Variants in CCDC158 observed in about 807,000 individuals in gnomAD.
CCDC158 encodes the protein coiled-coil domain-containing protein 158.
A neutral mutation model predicts 138.6 loss-of-function variants in CCDC158; 116 were observed. The observed-to-expected ratio is 0.84, with a 90% CI of 0.72 to 0.98. The LOEUF (loss-of-function observed/expected upper bound fraction) is 0.98. Ranked by LOEUF, CCDC158 falls within the 50% of genes least tolerant of loss-of-function variation. The pLI is 0.00. For missense variants in CCDC158, 1,265 were observed against 1,306.1 expected (o/e 0.97, Z 0.48); for synonymous variants, 436 against 442.4 (o/e 0.99, Z 0.18).
chr4:76,344,555 A>G (rs1722363409), intron 18 of CCDC158: 1 of 1,039,286 alleles, frequency 9.6e-7, no homozygotes, highest in South Asian at 1.3e-5. Context: ...AATAGCTGAC[A>G]TCTGTATCTC....
intron 14 of CCDC158, among the ~76,000 whole-genome samples, chr4:76,355,875 T>C (rs1468455253): frequency 6.6e-6 from 1 of 151,166 alleles, no homozygotes; most frequent in African/African-American, 2.4e-5. Flanking sequence ...ATTGTATTAT[T>C]ACTAAAATGA....
chr4:76,335,022 GATA>G (rs1721347938), intron 18 of CCDC158, among the ~76,000 whole-genome samples: 1 of 152,168 alleles, frequency 6.6e-6, no homozygotes. Flanking sequence ...TCCAGCTGAA[GATA>G]TGAGAGTTCC....
In CCDC158 at chr4:76,352,876, T is replaced by TA. The variant is rs896464275; in HGVS notation, c.2445+246dup. 6 of 360,884 alleles carry TA rather than the reference T, an allele frequency of 1.7e-5. No individual in the cohort carries two copies. In the Admixed American group the frequency reaches 1.9e-4, roughly 11 times the overall value. 22.4% of individuals were successfully genotyped at this position (360,884 alleles called of 1,614,324 possible). On this transcript the variant is annotated intron_variant, in intron 16 of 24. Transcript: ENST00000682701. ...CAGGAACATCTTACATCTTTGATCT[T>TA]ACTGCTCCTGTGACTATGTTAGCCT... is the stretch of plus-strand genomic sequence containing the variant.
At chr4:76,344,287 C>A (rs2110144510) in intron 18 of CCDC158, among the ~76,000 whole-genome samples, 1 of 152,258 alleles carries the variant, frequency 6.6e-6, no homozygotes, top group East Asian at 1.9e-4. Flanking sequence ...CCTAGGAATA[C>A]AACTAACAAG....
chr4:76,349,249 T>G (rs1344290677), intron 18 of CCDC158, among the ~76,000 whole-genome samples: 1 of 152,248 alleles, frequency 6.6e-6, no homozygotes, highest in African/African-American at 2.4e-5. Context: ...AAAGAATGAA[T>G]ATTACTTTTA....
chr4:76,396,865 G>A (rs1181615149), intron 3 of CCDC158, among the ~76,000 whole-genome samples: 1 of 152,064 alleles, frequency 6.6e-6, no homozygotes, highest in Admixed American at 6.6e-5. Context: ...ATAATTTTGT[G>A]CACACTTTAT....
chr4:76,417,755 C>T (rs4859443), intron 1 of CCDC158, among the ~76,000 whole-genome samples: 129,935 of 152,076 alleles, frequency 0.85, 55,844 homozygotes, highest in South Asian at 0.97. Flanking sequence ...GGAAGGCCTT[C>T]CTAAGGAGGT....
intron 24 of CCDC158, among the ~76,000 whole-genome samples, chr4:76,314,028 T>C (rs1719140158): frequency 6.6e-6 from 1 of 152,218 alleles, no homozygotes. Flanking sequence ...AATACTTTTG[T>C]ATAAACACTT....
intron 10 of CCDC158, among the ~76,000 whole-genome samples, chr4:76,371,148 A>T (rs1251709203): frequency 6.6e-6 from 1 of 152,230 alleles, no homozygotes; most frequent in African/African-American, 2.4e-5. Flanking sequence ...ACTTCAATTT[A>T]ATGGAATATG....
At chr4:76,337,499 A>C (rs1295135488) in intron 18 of CCDC158, among the ~76,000 whole-genome samples, 3 of 152,180 alleles carry the variant, frequency 2.0e-5, no homozygotes, top group African/African-American at 7.2e-5. Context: ...CGGGAGGCCA[A>C]GGCGGGTGGA....
At chr4:76,405,680 A>C (rs961749083) in intron 2 of CCDC158, among the ~76,000 whole-genome samples, 1 of 152,176 alleles carries the variant, frequency 6.6e-6, no homozygotes, top group Non-Finnish European at 1.5e-5. Flanking sequence ...CGGAAGGAAG[A>C]GGGAGAAAAG....
chr4:76,407,514 C>A (rs1226922947), intron 2 of CCDC158, among the ~76,000 whole-genome samples: 2 of 152,086 alleles, frequency 1.3e-5, no homozygotes, highest in Non-Finnish European at 1.5e-5. Flanking sequence ...AAGAAGGATG[C>A]CTTCTCATTT....
At chr4:76,382,097 A>T (rs996114174) in intron 8 of CCDC158, among the ~76,000 whole-genome samples, 1 of 152,246 alleles carries the variant, frequency 6.6e-6, no homozygotes, top group African/African-American at 2.4e-5. Context: ...TCATGGGGAC[A>T]GATTTCCCCC....
At chr4:76,375,208 CG>C (rs1725602754) in intron 9 of CCDC158, 1 of 243,086 alleles carries the variant, frequency 4.1e-6, no homozygotes, top group Non-Finnish European at 7.8e-6. Context: ...TTTATTTTTA[CG>C]TAGTAGCACT....
chr4:76,367,209 G>A, intron 12 of CCDC158, 85 bp downstream of exon 12: 1 of 1,441,228 alleles, frequency 6.9e-7, no homozygotes, highest in Non-Finnish European at 9.4e-7. Context: ...AGTGTCCACA[G>A]ATACCAAGAA....
intron 4 of CCDC158, 127 bp from the exon 5 acceptor site, chr4:76,384,792 A>G (rs2110314243): frequency 3.1e-6 from 2 of 649,318 alleles, no homozygotes; most frequent in Non-Finnish European, 5.4e-6. Context: ...TCACTGCTGC[A>G]GTTCAAAGTC....
At position 76,352,862 on chromosome 4, in the gene CCDC158, T is replaced by C. The variant is rs1158943672; in HGVS notation, c.2445+261A>G. The C allele has an allele frequency of 9.3e-6, 3 of 323,970 alleles. No individual in the cohort carries two copies. In the East Asian group the frequency reaches 1.7e-4, roughly 18 times the overall value. 20.1% of individuals were successfully genotyped at this position (323,970 alleles called of 1,614,324 possible). A position where few individuals can be genotyped will look rare whatever the true frequency, so the allele number is the denominator to read the frequency against. On this transcript the variant is annotated intron_variant, in intron 16 of 24. Transcript: ENST00000682701. ...GTCACTATGGATATCAGGAACATCTTACATCTTTGATCTTACTGCTCCTGT... is the reference window on the plus strand; with the variant it reads ...GTCACTATGGATATCAGGAACATCTCACATCTTTGATCTTACTGCTCCTGT...
intron 18 of CCDC158, among the ~76,000 whole-genome samples, chr4:76,348,062 T>C (rs993612674): frequency 6.6e-6 from 1 of 152,008 alleles, no homozygotes; most frequent in Admixed American, 6.6e-5. Flanking sequence ...CTCTTCCTCA[T>C]AGATGGCACC....
Position 76,380,111 on chromosome 4 carries a change from G to A in CCDC158, c.915-707C>T, listed in dbSNP as rs1726095222. ...GTCTTGGATAGTTCTTTATAGTAGT[G>A]TAAGAATGGATTAATACAGAAAACT... On this transcript the variant is annotated intron_variant, in intron 8 of 24. Transcript: ENST00000682701. Among the ~76,000 whole-genome samples, 5 of 152,300 alleles carry A rather than the reference G, an allele frequency of 3.3e-5. No individual in the cohort carries two copies. In the South Asian group the frequency reaches 1.0e-3, roughly 32 times the overall value.
Sources: allele counts gnomAD v4.1 joint callset (sites outside exome capture counted in the v4.1 genomes callset), GRCh38; gene constraint gnomAD v4.1.1; transcripts MANE v1.5; gene names NCBI Gene and HGNC (gene_info 2026-07-23, HGNC 2026-07-21).